The following HYCC1 variants were observed in gnomAD, a reference collection of about 807,000 sequenced individuals.
The protein encoded by HYCC1 is hyccin.
the HYCC1 span, among the ~76,000 whole-genome samples, chr7:23,002,158 A>ATATACACAAT: frequency 5.5e-5 from 3 of 54,208 alleles, no homozygotes; most frequent in African/African-American, 1.9e-4. Flanking sequence ...ATATATATAT[A>ATATACACAAT]TATATATATA....
the HYCC1 span, among the ~76,000 whole-genome samples, chr7:22,917,328 G>A: frequency 1.3e-5 from 2 of 152,144 alleles, no homozygotes; most frequent in East Asian, 1.9e-4. Flanking sequence ...GTTACACGCT[G>A]CTAGCCCGCC....
the HYCC1 span, among the ~76,000 whole-genome samples, chr7:22,997,373 TATC>T: frequency 1.5e-4 from 23 of 152,304 alleles, no homozygotes; most frequent in Admixed American, 1.1e-3. Flanking sequence ...TTGTTTTATA[TATC>T]ATTATGAAGC....
the HYCC1 span, chr7:22,944,009 G>A: frequency 6.6e-6 from 1 of 152,194 alleles, no homozygotes; most frequent in African/African-American, 2.4e-5. Flanking sequence ...TTAAAACTAT[G>A]TCCAGAGTAT....
the HYCC1 span, chr7:22,945,487 GCTC>G: frequency 1.2e-6 from 1 of 854,190 alleles, no homozygotes; most frequent in Non-Finnish European, 2.0e-6. Flanking sequence ...AGACATCAGG[GCTC>G]CTGTCAGGAA....
At chr7:22,901,480 A>G in the HYCC1 span, among the ~76,000 whole-genome samples, 1 of 152,242 alleles carries the variant, frequency 6.6e-6, no homozygotes, top group Non-Finnish European at 1.5e-5. Flanking sequence ...CTAACTATAT[A>G]CTGTCTACAA....
chr7:22,980,383 G>A, the HYCC1 span, among the ~76,000 whole-genome samples: 222 of 151,668 alleles, frequency 1.5e-3, no homozygotes, highest in African/African-American at 4.9e-3. Context: ...GGGCTTTTAT[G>A]GGTTTAATGA....
the HYCC1 span, among the ~76,000 whole-genome samples, chr7:22,987,574 G>C: frequency 1.3e-5 from 2 of 152,082 alleles, no homozygotes; most frequent in Admixed American, 1.3e-4. Context: ...AAATACTAAT[G>C]AGAGTCCATA....
At chr7:22,907,961 AC>A in the HYCC1 span, among the ~76,000 whole-genome samples, 1 of 151,630 alleles carries the variant, frequency 6.6e-6, no homozygotes, top group Non-Finnish European at 1.5e-5. Flanking sequence ...TCCCACTACC[AC>A]CCCCACTCTC....
At chr7:22,935,002 T>A in the HYCC1 span, 1 of 152,114 alleles carries the variant, frequency 6.6e-6, no homozygotes, top group East Asian at 1.9e-4. Flanking sequence ...TAATCCAAGT[T>A]CCCAGACACT....
the HYCC1 span, among the ~76,000 whole-genome samples, chr7:22,972,805 G>T: frequency 1.3e-5 from 2 of 152,288 alleles, no homozygotes; most frequent in South Asian, 2.1e-4. Context: ...CCATCAATCA[G>T]TCTGAATCAG....
chr7:22,960,255 C>T, the HYCC1 span: 1 of 1,613,050 alleles, frequency 6.2e-7, no homozygotes, highest in East Asian at 2.2e-5. Context: ...GTATTTCTTA[C>T]CATGTCTTTT....
At chr7:22,933,148 T>G in the HYCC1 span, among the ~76,000 whole-genome samples, 4 of 152,214 alleles carry the variant, frequency 2.6e-5, no homozygotes, top group Non-Finnish European at 5.9e-5. Flanking sequence ...TCTCTTGTAT[T>G]AAGTCATGCA....
the HYCC1 span, among the ~76,000 whole-genome samples, chr7:23,003,445 G>A: frequency 6.6e-6 from 1 of 152,034 alleles, no homozygotes; most frequent in East Asian, 1.9e-4. Flanking sequence ...ATAAATAAAT[G>A]CTATGAGAAA....
the HYCC1 span, among the ~76,000 whole-genome samples, chr7:22,906,615 C>G: frequency 3.7e-4 from 55 of 150,078 alleles, no homozygotes; most frequent in African/African-American, 1.1e-3. Flanking sequence ...AAAATGGAGG[C>G]CATTTTCAGA....
chr7:22,900,445 G>A, the HYCC1 span, among the ~76,000 whole-genome samples: 2 of 152,164 alleles, frequency 1.3e-5, no homozygotes, highest in Admixed American at 6.5e-5. Flanking sequence ...CACTATCCAT[G>A]GACAATGGTT....
At chr7:22,991,081 C>T in the HYCC1 span, 3 of 1,609,614 alleles carry the variant, frequency 1.9e-6, no homozygotes, top group Non-Finnish European at 2.6e-6. Flanking sequence ...GACAACCATT[C>T]CTCCACAACC....
the HYCC1 span, among the ~76,000 whole-genome samples, chr7:22,917,859 T>C: frequency 6.6e-6 from 1 of 152,210 alleles, no homozygotes; most frequent in East Asian, 1.9e-4. Context: ...TATTCTTTAC[T>C]TTCATAGTCA....
the HYCC1 span, among the ~76,000 whole-genome samples, chr7:22,897,534 G>A: frequency 6.6e-6 from 1 of 152,188 alleles, no homozygotes; most frequent in East Asian, 1.9e-4. Flanking sequence ...CAATTGCACG[G>A]CACTGTTGTG....
the HYCC1 span, chr7:22,978,501 C>A: frequency 1.4e-6 from 2 of 1,400,736 alleles, no homozygotes; most frequent in South Asian, 1.2e-5. Context: ...TTGAATGGAA[C>A]TACTATATGA....
Sources: allele counts gnomAD v4.1 joint callset (sites outside exome capture counted in the v4.1 genomes callset), GRCh38; gene constraint gnomAD v4.1.1; transcripts MANE v1.5; gene names NCBI Gene and HGNC (gene_info 2026-07-23, HGNC 2026-07-21).